CDK5RAP2: variants seen among roughly 807,000 people sequenced by gnomAD.
CDK5RAP2 encodes the protein CDK5 regulatory subunit-associated protein 2.
A neutral mutation model predicts 232.9 loss-of-function variants in CDK5RAP2; 147 were observed. The observed-to-expected ratio is 0.63, with a 90% CI of 0.55 to 0.72. The LOEUF is 0.72. Among genes scored for constraint, CDK5RAP2 ranks in the 30% least tolerant of loss-of-function variants. The pLI is 0.00. For synonymous variants in CDK5RAP2, 833 were observed against 833.7 expected (o/e 1.00, Z 0.01); for missense variants, 2,195 against 2,231.5 (o/e 0.98, Z 0.33).
intron 25 of CDK5RAP2, among the ~76,000 whole-genome samples, chr9:120,428,019 C>A (rs1049274586): frequency 1.3e-5 from 2 of 152,032 alleles, no homozygotes; most frequent in African/African-American, 4.8e-5. Flanking sequence ...GGGTACATAA[C>A]GAAATGAAGG....
chr9:120,547,646 G>A (rs977794180), intron 4 of CDK5RAP2, among the ~76,000 whole-genome samples: 1 of 152,106 alleles, frequency 6.6e-6, no homozygotes, highest in African/African-American at 2.4e-5. Flanking sequence ...CGTCTCACAG[G>A]ATATGCCTCC....
At chr9:120,421,715 T>C (rs996614738) in intron 26 of CDK5RAP2, among the ~76,000 whole-genome samples, 8 of 152,244 alleles carry the variant, frequency 5.3e-5, no homozygotes, top group Non-Finnish European at 2.9e-5. Context: ...ATACAATTCA[T>C]GTATTCCATG....
rs1483604532 is a variant in CDK5RAP2, at chr9:120,407,706, T to TAA, written c.4727-460_4727-459dup. Reference sequence around the variant, plus strand: ...AGAGAGAAACCATCTGGAAAATTAGTAAAATAAAAAAAAAAAAAAAACACC... The same window carrying TAA: ...AGAGAGAAACCATCTGGAAAATTAGTAAAAAATAAAAAAAAAAAAAAAACACC... On this transcript the variant is annotated intron_variant, in intron 31 of 37. Coordinates refer to ENST00000349780, the MANE Select transcript of CDK5RAP2 (RefSeq NM_018249.6). The TAA allele has an allele frequency of 1.8e-4, 11 of 62,444 alleles. No individual in the cohort carries two copies. In the East Asian group the frequency reaches 3.3e-3, roughly 19 times the overall value. 3.9% of individuals were successfully genotyped at this position (62,444 alleles called of 1,614,324 possible). A position where few individuals can be genotyped will look rare whatever the true frequency, so the allele number is the denominator to read the frequency against.
At chr9:120,470,256 G>A (rs1027517558) in intron 16 of CDK5RAP2, 36 bp from the exon 17 acceptor site, 2 of 1,039,478 alleles carry the variant, frequency 1.9e-6, no homozygotes, top group African/African-American at 1.6e-5. Flanking sequence ...TGGGGAGGGG[G>A]AGGAGAAAAA....
At chr9:120,564,275 G>A (rs2042565095) in intron 3 of CDK5RAP2, among the ~76,000 whole-genome samples, 1 of 152,084 alleles carries the variant, frequency 6.6e-6, no homozygotes, top group Admixed American at 6.5e-5. Flanking sequence ...AGACCATCCT[G>A]GCTAACATGG....
At chr9:120,436,346 G>A (rs564289981) in intron 25 of CDK5RAP2, among the ~76,000 whole-genome samples, 241 of 152,248 alleles carry the variant, frequency 1.6e-3, no homozygotes, top group African/African-American at 5.7e-3. Context: ...AGAAGAAAGG[G>A]TGAGGAACTA....
intron 25 of CDK5RAP2, among the ~76,000 whole-genome samples, chr9:120,428,839 AT>A (rs1208898014): frequency 6.6e-6 from 1 of 152,244 alleles, no homozygotes; most frequent in East Asian, 1.9e-4. Flanking sequence ...CTTGATGAAC[AT>A]TGATGCAAAA....
At chr9:120,424,150 A>C (rs2131389368) in intron 25 of CDK5RAP2, among the ~76,000 whole-genome samples, 1 of 152,340 alleles carries the variant, frequency 6.6e-6, no homozygotes, top group Non-Finnish European at 1.5e-5. Context: ...AGAAGTGGAA[A>C]TCCAGGAGGT....
chr9:120,462,543 A>G (rs2037149248), intron 18 of CDK5RAP2, among the ~76,000 whole-genome samples: 1 of 152,214 alleles, frequency 6.6e-6, no homozygotes, highest in African/African-American at 2.4e-5. Context: ...AACAACTGTA[A>G]TACACTCATG....
intron 35 of CDK5RAP2, among the ~76,000 whole-genome samples, chr9:120,398,199 G>A (rs780267597): frequency 6.6e-6 from 1 of 152,046 alleles, no homozygotes; most frequent in Non-Finnish European, 1.5e-5. Flanking sequence ...TTCTTTTAAT[G>A]GATGATAATA....
At chr9:120,394,239 A>G (rs557516644) in intron 36 of CDK5RAP2, among the ~76,000 whole-genome samples, 1 of 152,246 alleles carries the variant, frequency 6.6e-6, no homozygotes, top group East Asian at 1.9e-4. Flanking sequence ...CTCCCACCCC[A>G]GTGCTCTGCA....
intron 27 of CDK5RAP2, among the ~76,000 whole-genome samples, chr9:120,417,144 C>A (rs1010096812): frequency 1.3e-5 from 2 of 151,858 alleles, no homozygotes; most frequent in Non-Finnish European, 2.9e-5. Flanking sequence ...AAACTGCTGG[C>A]GCCCACGGCA....
At chr9:120,544,929 T>C (rs971094773) in intron 5 of CDK5RAP2, among the ~76,000 whole-genome samples, 2 of 152,242 alleles carry the variant, frequency 1.3e-5, no homozygotes, top group African/African-American at 2.4e-5. Context: ...CTCGAAATAC[T>C]TGTGTATTTC....
chr9:120,540,416 T>C (rs1225885278), intron 5 of CDK5RAP2, among the ~76,000 whole-genome samples: 3 of 152,222 alleles, frequency 2.0e-5, no homozygotes, highest in African/African-American at 7.2e-5. Flanking sequence ...TGATCTCTCA[T>C]ATGTACAAGC....
chr9:120,390,045 G>A (rs1223588857), intron 36 of CDK5RAP2: 1 of 498,570 alleles, frequency 2.0e-6, no homozygotes, highest in East Asian at 3.8e-5. Context: ...AGAGGCTACA[G>A]CATGCTATGC....
intron 6 of CDK5RAP2, among the ~76,000 whole-genome samples, chr9:120,538,049 C>T (rs931412607): frequency 2.9e-4 from 44 of 152,286 alleles, no homozygotes; most frequent in Admixed American, 6.5e-4. Flanking sequence ...TACATTTTCG[C>T]TAAAATTCAG....
chr9:120,546,857 AAACTT>A (rs1344498750), intron 4 of CDK5RAP2, among the ~76,000 whole-genome samples: 4 of 151,990 alleles, frequency 2.6e-5, no homozygotes. Context: ...GGCTGGTCTT[AAACTT>A]CTGGCTTCAA....
chr9:120,417,411 T>C (rs1284017552), intron 27 of CDK5RAP2, among the ~76,000 whole-genome samples: 1 of 152,264 alleles, frequency 6.6e-6, no homozygotes, highest in African/African-American at 2.4e-5. Context: ...TCCTTGCTCC[T>C]GCCTTGGTGC....
chr9:120,492,291 A>C (rs1057398623), intron 12 of CDK5RAP2, among the ~76,000 whole-genome samples: 1 of 152,194 alleles, frequency 6.6e-6, no homozygotes, highest in Non-Finnish European at 1.5e-5. Context: ...CTTTCTCTCT[A>C]TAAATATACT....
Sources: gnomAD v4.1 joint callset for allele counts (sites outside exome capture counted in the v4.1 genomes callset) on GRCh38, gnomAD v4.1.1 for gene constraint, MANE v1.5 for transcripts, NCBI Gene and HGNC (gene_info 2026-07-23, HGNC 2026-07-21) for gene names.